LOC122539214: variants seen among roughly 807,000 people sequenced by gnomAD.
the LOC122539214 span, among the ~76,000 whole-genome samples, chr19:52,664,498 AT>A: frequency 6.6e-6 from 1 of 152,114 alleles, no homozygotes; most frequent in African/African-American, 2.4e-5. Context: ...CCCATCTCCA[AT>A]TAAAAAAAGA....
chr19:52,680,883 A>G, the LOC122539214 span, among the ~76,000 whole-genome samples: 4 of 151,518 alleles, frequency 2.6e-5, no homozygotes, highest in Non-Finnish European at 5.9e-5. Flanking sequence ...AAGTGCTGGG[A>G]TTACAGGCGT....
the LOC122539214 span, among the ~76,000 whole-genome samples, chr19:52,674,519 G>C: frequency 6.6e-6 from 1 of 152,116 alleles, no homozygotes; most frequent in Non-Finnish European, 1.5e-5. Context: ...CCTCTGTGTA[G>C]AAAGTCACAA....
At chr19:52,665,141 C>T in the LOC122539214 span, among the ~76,000 whole-genome samples, 1 of 152,178 alleles carries the variant, frequency 6.6e-6, no homozygotes, top group Non-Finnish European at 1.5e-5. Context: ...TCTTCATTCA[C>T]TGGGGTGGGA....
chr19:52,657,119 C>T, the LOC122539214 span, among the ~76,000 whole-genome samples: 1 of 150,068 alleles, frequency 6.7e-6, no homozygotes, highest in African/African-American at 2.5e-5. Context: ...CTATCACCCC[C>T]ACCCTCCCAA....
chr19:52,656,418 G>A, the LOC122539214 span, among the ~76,000 whole-genome samples: 1 of 152,116 alleles, frequency 6.6e-6, no homozygotes, highest in South Asian at 2.1e-4. Context: ...CCAGCTATTT[G>A]GGAAGCCGAG....
At chr19:52,668,155 C>T in the LOC122539214 span, among the ~76,000 whole-genome samples, 1 of 152,142 alleles carries the variant, frequency 6.6e-6, no homozygotes, top group Non-Finnish European at 1.5e-5. Context: ...TCCAGTACAT[C>T]AGCATCGGCC....
chr19:52,668,648 C>A, the LOC122539214 span, among the ~76,000 whole-genome samples: 1 of 152,100 alleles, frequency 6.6e-6, no homozygotes, highest in South Asian at 2.1e-4. Flanking sequence ...AAATAGGAGA[C>A]CTAAGGCAAA....
the LOC122539214 span, among the ~76,000 whole-genome samples, chr19:52,679,721 A>C: frequency 1.3e-5 from 2 of 152,182 alleles, no homozygotes; most frequent in African/African-American, 4.8e-5. Context: ...CAGGGTTTCC[A>C]GGGCGCCTCT....
chr19:52,661,464 TCA>T, the LOC122539214 span, among the ~76,000 whole-genome samples: 1 of 152,066 alleles, frequency 6.6e-6, no homozygotes, highest in African/African-American at 2.4e-5. Flanking sequence ...CAGACTGACC[TCA>T]GTTCTCAATA....
the LOC122539214 span, chr19:52,651,683 CAAAAAAAA>C: frequency 3.4e-5 from 4 of 117,314 alleles, no homozygotes; most frequent in Admixed American, 2.6e-4. Flanking sequence ...GACTCTGTCT[CAAAAAAAA>C]AAAAAAAAAA....
the LOC122539214 span, among the ~76,000 whole-genome samples, chr19:52,683,439 G>A: frequency 0.28 from 41,637 of 148,674 alleles, 6,680 homozygotes; most frequent in African/African-American, 0.44. Context: ...CAGCTCCTCC[G>A]GAACAGAACT....
At chr19:52,664,663 G>A in the LOC122539214 span, among the ~76,000 whole-genome samples, 9 of 151,846 alleles carry the variant, frequency 5.9e-5, no homozygotes, top group South Asian at 2.1e-4. Flanking sequence ...GAGGTGAGCC[G>A]GGCCTGAGCA....
the LOC122539214 span, among the ~76,000 whole-genome samples, chr19:52,663,536 A>T: frequency 1.3e-5 from 2 of 152,228 alleles, no homozygotes; most frequent in Non-Finnish European, 2.9e-5. Context: ...ATCAGATGAC[A>T]TGAGGAAAGA....
the LOC122539214 span, among the ~76,000 whole-genome samples, chr19:52,673,881 T>C: frequency 0.26 from 39,649 of 150,976 alleles, 5,397 homozygotes; most frequent in Non-Finnish European, 0.29. Context: ...CCGGGCCTGG[T>C]GGTGTGTGCC....
chr19:52,653,317 G>T, the LOC122539214 span: 1 of 1,333,580 alleles, frequency 7.5e-7, no homozygotes, highest in Non-Finnish European at 1.1e-6. Flanking sequence ...ACATGTGTAA[G>T]GTTTCTCTCC....
chr19:52,670,942 T>TGAAG, the LOC122539214 span, among the ~76,000 whole-genome samples: 1 of 152,242 alleles, frequency 6.6e-6, no homozygotes, highest in Non-Finnish European at 1.5e-5. Flanking sequence ...TGAAGTCCTC[T>TGAAG]GCTGGCTGCC....
At chr19:52,655,771 G>T in the LOC122539214 span, 1 of 662,794 alleles carries the variant, frequency 1.5e-6, no homozygotes, top group South Asian at 1.9e-5. Context: ...AATAAGTATT[G>T]ATTTGATCCA....
At chr19:52,653,326 C>A in the LOC122539214 span, 1 of 1,284,324 alleles carries the variant, frequency 7.8e-7, no homozygotes, top group African/African-American at 1.5e-5. Context: ...AGGTTTCTCT[C>A]CAGTATGAAC....
chr19:52,658,136 C>CAA, the LOC122539214 span, among the ~76,000 whole-genome samples: 15 of 103,784 alleles, frequency 1.4e-4, no homozygotes, highest in African/African-American at 2.0e-4. Flanking sequence ...AACTTCATCT[C>CAA]AAAAAAAAAA....
Sources: gnomAD v4.1 joint callset for allele counts (sites outside exome capture counted in the v4.1 genomes callset) on GRCh38, gnomAD v4.1.1 for gene constraint, MANE v1.5 for transcripts.